The following GALNT17 variants were observed in gnomAD, a reference collection of about 807,000 sequenced individuals.
GALNT17 encodes the protein UDP-GalNAc:polypeptide N-acetylgalactosaminyltransferase-like 3.
In GALNT17, 29 loss-of-function variants were observed where a neutral mutation model predicts 63.7. The observed-to-expected ratio is 0.46, with a 90% CI of 0.34 to 0.62. The LOEUF is 0.62. Among genes scored for constraint, GALNT17 ranks in the 20% least tolerant of loss-of-function variants. The probability of loss-of-function intolerance (pLI) is 0.01; values close to 1 mark genes in which losing one functional copy is unlikely to be tolerated. For missense variants in GALNT17, 603 were observed against 799.6 expected (o/e 0.75, Z 2.97); for synonymous variants, 305 against 318.3 (o/e 0.96, Z 0.45).
intron 9 of GALNT17, among the ~76,000 whole-genome samples, chr7:71,704,993 A>G (rs2117121758): frequency 6.6e-6 from 1 of 152,316 alleles, no homozygotes; most frequent in African/African-American, 2.4e-5. Flanking sequence ...ACAAATAACC[A>G]AAGAAAAAAA....
chr7:71,225,581 G>T (rs978579827), intron 1 of GALNT17, among the ~76,000 whole-genome samples: 1 of 152,206 alleles, frequency 6.6e-6, no homozygotes, highest in Non-Finnish European at 1.5e-5. Context: ...GAGAAGTTCC[G>T]TACTGTATCT....
rs189542557 is a variant in GALNT17 at position 71,346,608 on chromosome 7, G to T, written c.422+10875G>T. Among the ~76,000 whole-genome samples the T allele has an allele frequency of 4.3e-4, 65 of 152,268 alleles. 1 individual carries two copies. In the East Asian group the frequency reaches 0.012, roughly 29 times the overall value. On this transcript the variant is annotated intron_variant, in intron 2 of 10. Coordinates refer to ENST00000333538, the MANE Select transcript of GALNT17 (RefSeq NM_022479.3). ...AGCTCTGTGTGTATCTTCAAGGTCTGTGGACGTCCCCACATCAACTGCCTA... is the reference window on the plus strand; with the variant it reads ...AGCTCTGTGTGTATCTTCAAGGTCTTTGGACGTCCCCACATCAACTGCCTA...
chr7:71,688,513 T>A (rs2117089765), intron 9 of GALNT17, among the ~76,000 whole-genome samples: 1 of 150,836 alleles, frequency 6.6e-6, no homozygotes, highest in Admixed American at 6.7e-5. Context: ...CTTTTCTATT[T>A]CCAACTCCCA....
At position 71,658,760 on chromosome 7, in the gene GALNT17, C is replaced by T. The variant is rs193263274; in HGVS notation, c.1081-6651C>T. On this transcript the variant is annotated intron_variant, in intron 6 of 10. Transcript: ENST00000333538. ...ACAATTAGCCGTCCACGGTGGCACA[C>T]GCCTGTCATCCCAACTACTTGGGAG... Among the ~76,000 whole-genome samples, 17 of 152,158 alleles carry T rather than the reference C, an allele frequency of 1.1e-4. No individual in the cohort carries two copies. In the East Asian group the frequency reaches 1.9e-3, roughly 17 times the overall value.
chr7:71,440,607 C>T (rs1441081885), intron 5 of GALNT17, among the ~76,000 whole-genome samples: 1 of 152,172 alleles, frequency 6.6e-6, no homozygotes, highest in Non-Finnish European at 1.5e-5. Context: ...CTCCCGACCT[C>T]AGGTAATCTG....
At chr7:71,553,329 TAAA>T (rs111305688) in intron 5 of GALNT17, among the ~76,000 whole-genome samples, 2 of 146,394 alleles carry the variant, frequency 1.4e-5, no homozygotes, top group African/African-American at 5.0e-5. Flanking sequence ...CTTGTCTCTT[TAAA>T]AAAAAAAAAA....
chr7:71,701,791 A>G lies in GALNT17; in HGVS notation c.1501-8970A>G, dbSNP rs574034078. 1.6e-3 allele frequency among the ~76,000 whole-genome samples: 61 copies of G among 39,110 alleles called. 1 individual carries two copies. In the South Asian group the frequency reaches 0.02, roughly 13 times the overall value. 25.7% of individuals were successfully genotyped at this position (39,110 alleles called of 152,430 possible). A position where few individuals can be genotyped will look rare whatever the true frequency, so the allele number is the denominator to read the frequency against. On this transcript the variant is annotated intron_variant, in intron 9 of 10. Transcript: ENST00000333538. The stretch of plus-strand genomic sequence containing the variant: ...TATATATATGTGTGTGTGTATATAT[A>G]TGTGTGTGTGTGTATATATATATAC...
intron 1 of GALNT17, among the ~76,000 whole-genome samples, chr7:71,327,595 C>G (rs1000300433): frequency 7.2e-5 from 11 of 152,036 alleles, no homozygotes; most frequent in Non-Finnish European, 8.8e-5. Flanking sequence ...GATACAGCAT[C>G]AAGACTTTCC....
chr7:71,305,748 A>G (rs1256779160), intron 1 of GALNT17, among the ~76,000 whole-genome samples: 1 of 152,118 alleles, frequency 6.6e-6, no homozygotes, highest in East Asian at 1.9e-4. Context: ...TCCATATCTC[A>G]ATGAACCTTT....
At chr7:71,580,161 T>C (rs1789610502) in intron 6 of GALNT17, among the ~76,000 whole-genome samples, 1 of 151,902 alleles carries the variant, frequency 6.6e-6, no homozygotes, top group Non-Finnish European at 1.5e-5. Flanking sequence ...ATGATATAGA[T>C]AGATGAGATA....
At chr7:71,165,261 C>T (rs772694114) in intron 1 of GALNT17, among the ~76,000 whole-genome samples, 1 of 152,202 alleles carries the variant, frequency 6.6e-6, no homozygotes, top group Non-Finnish European at 1.5e-5. Context: ...GGTTTGGAGT[C>T]TGAAAATCCG....
chr7:71,256,765 T>C (rs775847554), intron 1 of GALNT17, among the ~76,000 whole-genome samples: 1 of 152,144 alleles, frequency 6.6e-6, no homozygotes, highest in Non-Finnish European at 1.5e-5. Flanking sequence ...TGGCACCCAA[T>C]ATGGGGCCGC....
chr7:71,459,700 A>C, intron 5 of GALNT17, among the ~76,000 whole-genome samples: 1 of 151,968 alleles, frequency 6.6e-6, no homozygotes, highest in Non-Finnish European at 1.5e-5. Context: ...TGTGGGGGGG[A>C]AAATTGCATC....
At chr7:71,165,730 A>T (rs1427446349) in intron 1 of GALNT17, among the ~76,000 whole-genome samples, 1 of 152,152 alleles carries the variant, frequency 6.6e-6, no homozygotes, top group Admixed American at 6.5e-5. Context: ...TTGTATTGCA[A>T]ATGAAATTTG....
intron 5 of GALNT17, among the ~76,000 whole-genome samples, chr7:71,435,757 C>T (rs1304466437): frequency 3.9e-5 from 6 of 152,156 alleles, no homozygotes; most frequent in African/African-American, 1.4e-4. Flanking sequence ...CAATGGCTCA[C>T]GCCTGTAATC....
intron 5 of GALNT17, among the ~76,000 whole-genome samples, chr7:71,505,617 C>T (rs938891175): frequency 3.3e-5 from 5 of 152,102 alleles, no homozygotes; most frequent in Non-Finnish European, 7.4e-5. Context: ...GAAGTCAGCT[C>T]TCCTGGAGAA....
At chr7:71,176,363 C>A (rs909702229) in intron 1 of GALNT17, among the ~76,000 whole-genome samples, 26 of 151,950 alleles carry the variant, frequency 1.7e-4, no homozygotes, top group Non-Finnish European at 3.8e-4. Context: ...TTTTGGAAAA[C>A]CCTGCCCGTC....
chr7:71,221,406 T>C (rs1243939253), intron 1 of GALNT17, among the ~76,000 whole-genome samples: 28 of 123,560 alleles, frequency 2.3e-4, no homozygotes, highest in South Asian at 2.1e-3. Flanking sequence ...TTTTTTTTTT[T>C]CCAACCCTAC....
chr7:71,605,507 A>G (rs1206834265), intron 6 of GALNT17, among the ~76,000 whole-genome samples: 1 of 150,826 alleles, frequency 6.6e-6, no homozygotes, highest in Non-Finnish European at 1.5e-5. Flanking sequence ...AATCACTTGA[A>G]CCCAGGAGGC....
Sources: allele counts gnomAD v4.1 joint callset (sites outside exome capture counted in the v4.1 genomes callset), GRCh38; gene constraint gnomAD v4.1.1; transcripts MANE v1.5; gene names NCBI Gene and HGNC (gene_info 2026-07-23, HGNC 2026-07-21).